The following GULP1 variants were observed in gnomAD, a reference collection of about 807,000 sequenced individuals.
The protein encoded by GULP1 is GULP PTB domain containing engulfment adaptor 1, also known as PTB domain-containing engulfment adapter protein 1.
In GULP1, 19 loss-of-function variants were observed where a neutral mutation model predicts 40.9. That is an observed-to-expected ratio of 0.46 (90% CI 0.32 to 0.68). GULP1 has a LOEUF of 0.68. GULP1 is among the 30% of genes least tolerant of loss of function. The probability of loss-of-function intolerance (pLI) is 0.03; values close to 1 mark genes in which losing one functional copy is unlikely to be tolerated. For synonymous variants in GULP1, 119 were observed against 117.6 expected (o/e 1.01, Z -0.08); for missense variants, 312 against 362.2 (o/e 0.86, Z 1.12).
At chr2:188,499,952 C>T (rs1324371409) in intron 4 of GULP1, among the ~76,000 whole-genome samples, 1 of 151,698 alleles carries the variant, frequency 6.6e-6, no homozygotes, top group African/African-American at 2.4e-5. Flanking sequence ...ACCCTATTAC[C>T]ACGTGCTTTT....
chr2:188,383,017 G>A (rs1230080277), intron 1 of GULP1, among the ~76,000 whole-genome samples: 1 of 152,124 alleles, frequency 6.6e-6, no homozygotes, highest in Non-Finnish European at 1.5e-5. Flanking sequence ...GGGAAGCAGG[G>A]CACAAGACTT....
At chr2:188,475,743 A>G (rs1017397719) in intron 2 of GULP1, among the ~76,000 whole-genome samples, 1 of 152,092 alleles carries the variant, frequency 6.6e-6, no homozygotes, top group Non-Finnish European at 1.5e-5. Flanking sequence ...GATATGCTCA[A>G]TAAATAACCA....
chr2:188,343,073 G>A (rs943571672), intron 1 of GULP1, among the ~76,000 whole-genome samples: 10 of 152,112 alleles, frequency 6.6e-5, no homozygotes, highest in Non-Finnish European at 1.5e-4. Flanking sequence ...AAGCACCTTA[G>A]AGAGAAAAGA....
At chr2:188,586,554 T>C (rs1702411313) in intron 10 of GULP1, among the ~76,000 whole-genome samples, 1 of 152,222 alleles carries the variant, frequency 6.6e-6, no homozygotes, top group African/African-American at 2.4e-5. Context: ...TCATCAGTTA[T>C]ATATAAGGTA....
chr2:188,359,843 G>A (rs2045863338), intron 1 of GULP1, among the ~76,000 whole-genome samples: 1 of 152,082 alleles, frequency 6.6e-6, no homozygotes, highest in Non-Finnish European at 1.5e-5. Flanking sequence ...CTCAAGATGA[G>A]ATGCTGCTTA....
In GULP1 at chr2:188,553,243, A is replaced by C. The variant is rs114779251; in HGVS notation, c.399+11925A>C. Among the ~76,000 whole-genome samples the C allele has an allele frequency of 3.6e-3, 546 of 152,096 alleles. 5 individuals carry two copies. Among genetic ancestry groups the C allele is most frequent in the African/African-American group, 0.013 (524 of 41,520 alleles). On this transcript the variant is annotated intron_variant, in intron 7 of 11. Coordinates refer to ENST00000409830, the MANE Select transcript of GULP1 (RefSeq NM_016315.4). ...TTGAATAGGAGTGATGAAGGTGGGCATTCTTGTCTTGTTCCAGTTCGTAGA... is the reference window on the plus strand; with the variant it reads ...TTGAATAGGAGTGATGAAGGTGGGCCTTCTTGTCTTGTTCCAGTTCGTAGA...
chr2:188,583,788 T>C (rs1340377889), intron 9 of GULP1, among the ~76,000 whole-genome samples: 1 of 152,110 alleles, frequency 6.6e-6, no homozygotes, highest in Admixed American at 6.5e-5. Flanking sequence ...CTTTTGAGAA[T>C]GCAAAAAAAA....
At chr2:188,543,121 T>C (rs1420433809) in intron 7 of GULP1, among the ~76,000 whole-genome samples, 1 of 152,148 alleles carries the variant, frequency 6.6e-6, no homozygotes, top group Non-Finnish European at 1.5e-5. Context: ...TAATTGATTG[T>C]TCTCCTTGGA....
chr2:188,514,655 C>T (rs917345724), intron 4 of GULP1, among the ~76,000 whole-genome samples: 3 of 151,870 alleles, frequency 2.0e-5, no homozygotes, highest in Non-Finnish European at 4.4e-5. Flanking sequence ...TTTGTTTTCT[C>T]ACATGGAGGA....
chr2:188,569,884 C>A, intron 8 of GULP1, 144 bp from the exon 9 acceptor site: 1 of 517,208 alleles, frequency 1.9e-6, no homozygotes, highest in Non-Finnish European at 3.4e-6. Context: ...CCAGCATTTC[C>A]CAAGCTTTAT....
chr2:188,556,806 C>T (rs934854495), intron 7 of GULP1, among the ~76,000 whole-genome samples: 3 of 152,024 alleles, frequency 2.0e-5, no homozygotes, highest in Admixed American at 6.6e-5. Flanking sequence ...GAGGCCGAGG[C>T]GGGTGGATCA....
chr2:188,386,676 G>T (rs1391336656), intron 2 of GULP1, among the ~76,000 whole-genome samples: 5 of 152,076 alleles, frequency 3.3e-5, no homozygotes, highest in Non-Finnish European at 7.4e-5. Flanking sequence ...CTCAATGACT[G>T]TGATCTTTTA....
intron 1 of GULP1, among the ~76,000 whole-genome samples, chr2:188,342,674 T>TTTAAG (rs1245661556): frequency 6.6e-6 from 1 of 152,192 alleles, no homozygotes; most frequent in African/African-American, 2.4e-5. Context: ...ATTACTTAGT[T>TTTAAG]TTAAGTGTGT....
chr2:188,520,956 A>G (rs994744888), intron 4 of GULP1, among the ~76,000 whole-genome samples: 5 of 152,162 alleles, frequency 3.3e-5, no homozygotes, highest in African/African-American at 1.2e-4. Flanking sequence ...AGGAAGGAAT[A>G]AGAGATAGCA....
At chr2:188,482,902 A>G (rs2061550015) in intron 3 of GULP1, among the ~76,000 whole-genome samples, 1 of 151,848 alleles carries the variant, frequency 6.6e-6, no homozygotes, top group South Asian at 2.1e-4. Context: ...TATTATATTG[A>G]TTTCCAAATG....
intron 4 of GULP1, among the ~76,000 whole-genome samples, chr2:188,521,454 G>A (rs1303259503): frequency 6.6e-6 from 1 of 152,114 alleles, no homozygotes; most frequent in Non-Finnish European, 1.5e-5. Flanking sequence ...AAGGAAAGAG[G>A]TTTAATTGAC....
Position 188,494,519 on chromosome 2 carries a change from A to G in GULP1, c.90+11027A>G, listed in dbSNP as rs188719991. ...CTCTCAATGTCTATATTTATCTGGC[A>G]TGCAACACTTGGTGTCAACTGCTAT... On this transcript the variant is annotated intron_variant, in intron 4 of 11. Coordinates refer to ENST00000409830, the MANE Select transcript of GULP1 (RefSeq NM_016315.4). Among the ~76,000 whole-genome samples the G allele has an allele frequency of 7.9e-5, 12 of 152,150 alleles. 1 individual carries two copies. Among genetic ancestry groups the G allele is most frequent in the Non-Finnish European group, 1.2e-4 (8 of 67,980 alleles).
At chr2:188,401,454 G>A (rs187221897) in intron 2 of GULP1, among the ~76,000 whole-genome samples, 1 of 152,090 alleles carries the variant, frequency 6.6e-6, no homozygotes, top group East Asian at 1.9e-4. Flanking sequence ...TGAGCATATA[G>A]TACTTTTGTA....
At chr2:188,347,671 T>G (rs2043874207) in intron 1 of GULP1, among the ~76,000 whole-genome samples, 1 of 150,814 alleles carries the variant, frequency 6.6e-6, no homozygotes, top group African/African-American at 2.4e-5. Context: ...TGGAGTGCTG[T>G]AGTGTGATCA....
Sources: gnomAD v4.1 joint callset for allele counts (sites outside exome capture counted in the v4.1 genomes callset) on GRCh38, gnomAD v4.1.1 for gene constraint, MANE v1.5 for transcripts, NCBI Gene and HGNC (gene_info 2026-07-23, HGNC 2026-07-21) for gene names.